The following SLC13A3 variants were observed in gnomAD, a reference collection of about 807,000 sequenced individuals.
SLC13A3 encodes Na(+)/dicarboxylate cotransporter 3.
Under a neutral mutation model 59.0 loss-of-function variants are expected in SLC13A3, and 40 were observed. The observed-to-expected ratio is 0.68, with a 90% CI of 0.53 to 0.88. The LOEUF is 0.88. Ranked by LOEUF, SLC13A3 falls within the 40% of genes least tolerant of loss-of-function variation. The pLI, the probability that SLC13A3 is intolerant of heterozygous loss-of-function variation, is 0.00. For missense variants in SLC13A3, 699 were observed against 783.2 expected, an observed-to-expected ratio of 0.89 and a Z score of 1.28; for synonymous variants, 317 against 330.3, an observed-to-expected ratio of 0.96 and a Z score of 0.44.
chr20:46,575,396 C>T (rs186898175), intron 10 of SLC13A3, among the ~76,000 whole-genome samples, 177 bp downstream of exon 10: 32 of 152,348 alleles, frequency 2.1e-4, no homozygotes, highest in African/African-American at 7.7e-4. Context: ...TCCTCTCTTT[C>T]TCTGTAGCAC....
chr20:46,596,831 G>A (rs1450651286), intron 4 of SLC13A3, among the ~76,000 whole-genome samples: 1 of 152,124 alleles, frequency 6.6e-6, no homozygotes, highest in African/African-American at 2.4e-5. Flanking sequence ...CAAAAGGATT[G>A]CTTGAGGAAA....
At chr20:46,608,941 A>G in intron 3 of SLC13A3, 1 of 1,550,990 alleles carries the variant, frequency 6.4e-7, no homozygotes, top group South Asian at 1.2e-5. Flanking sequence ...CGGAAGTTGC[A>G]CACATCATTT....
rs907721634 is a variant in SLC13A3 at position 46,596,066 on chromosome 20, C to T, written c.794+91G>A. 4.0e-6 allele frequency: 5 copies of T among 1,240,502 alleles called. 1 individual carries two copies. The highest frequency in any genetic ancestry group is 5.6e-6 in the Non-Finnish European group (5 of 888,146). 76.8% of individuals were successfully genotyped at this position (1,240,502 alleles called of 1,614,324 possible). A position where few individuals can be genotyped will look rare whatever the true frequency, so the allele number is the denominator to read the frequency against. On this transcript the variant is annotated intron_variant, in intron 5 of 12. Transcript: ENST00000279027. ...TCCCAGAGCCTGGCCCAGAGAAGGCCCTCAATACACATTCCCTGGATGTTG... is the reference window on the plus strand; with the variant it reads ...TCCCAGAGCCTGGCCCAGAGAAGGCTCTCAATACACATTCCCTGGATGTTG...
intron 1 of SLC13A3, among the ~76,000 whole-genome samples, chr20:46,661,081 G>A (rs2063026802): frequency 6.6e-6 from 1 of 151,976 alleles, no homozygotes; most frequent in South Asian, 2.1e-4. Flanking sequence ...TTAAGTCTCT[G>A]GGAATTCCAG....
intron 11 of SLC13A3, among the ~76,000 whole-genome samples, chr20:46,565,187 G>A (rs6017918): frequency 0.024 from 3,626 of 152,220 alleles, 121 homozygotes; most frequent in East Asian, 0.11. Context: ...TTTTCATTCT[G>A]TCATGGTTTC....
In SLC13A3 at chr20:46,583,556, GC is replaced by G. The variant is rs774583897; in HGVS notation, c.1219+15del. On this transcript the variant is annotated intron_variant, in intron 9 of 12. Transcript: ENST00000279027. Reference sequence around the variant, plus strand: ...CCTCACTGAGCCCACCGAGACCCCAGCCTTGACCACCTTACCTTTGAAGTCA... The same window carrying G: ...CCTCACTGAGCCCACCGAGACCCCAGCTTGACCACCTTACCTTTGAAGTCA... The G allele has an allele frequency of 2.5e-6, 4 of 1,613,540 alleles. No individual in the cohort carries two copies. Among genetic ancestry groups the G allele is most frequent in the Non-Finnish European group, 3.4e-6 (4 of 1,179,838 alleles).
chr20:46,614,861 T>C (rs2122757023), intron 1 of SLC13A3, among the ~76,000 whole-genome samples: 1 of 152,242 alleles, frequency 6.6e-6, no homozygotes, highest in South Asian at 2.1e-4. Flanking sequence ...GACAAAGTAA[T>C]TTAAATCTAA....
intron 1 of SLC13A3, among the ~76,000 whole-genome samples, chr20:46,684,169 G>C (rs2063168331): frequency 6.6e-6 from 1 of 152,062 alleles, no homozygotes; most frequent in Non-Finnish European, 1.5e-5. Flanking sequence ...AGCCTGCCTG[G>C]GATATACTCT....
In SLC13A3 at chr20:46,592,479, G is replaced by A. The variant is rs1459216252; in HGVS notation, c.845C>T (p.Ala282Val). ...CAGGAACAACAGCATAAGAGGGAAG[G>A]CGAAAATGAACCAGGAGCCGAAATT... ...VVNFGSWFIF[A>V]FPLMLLFLLA... The change falls in exon 6 of 13, where the codon GCC (alanine) becomes GTC (valine). Residue 282 changes from alanine to valine, a missense_variant. Transcript: ENST00000279027. 6.2e-7 allele frequency: 1 copy of A among 1,613,786 alleles called. No individual in the cohort carries two copies.
At chr20:46,597,090 A>G (rs1181867213) in intron 4 of SLC13A3, among the ~76,000 whole-genome samples, 2 of 151,690 alleles carry the variant, frequency 1.3e-5, no homozygotes, top group African/African-American at 4.8e-5. Flanking sequence ...AAATAAAGAA[A>G]TGGCTATGTT....
intron 1 of SLC13A3, among the ~76,000 whole-genome samples, chr20:46,627,606 A>G (rs191297871): frequency 1.0e-4 from 15 of 150,458 alleles, no homozygotes; most frequent in African/African-American, 3.7e-4. Flanking sequence ...GCTCATTAAA[A>G]GGAAACTGTG....
intron 8 of SLC13A3, chr20:46,585,620 G>C: frequency 1.6e-6 from 2 of 1,258,170 alleles, no homozygotes; most frequent in Non-Finnish European, 2.1e-6. Flanking sequence ...TCACAATGTA[G>C]AACAGTTCTC....
intron 1 of SLC13A3, among the ~76,000 whole-genome samples, chr20:46,630,826 AT>A (rs1227357379): frequency 6.6e-6 from 1 of 152,162 alleles, no homozygotes; most frequent in Non-Finnish European, 1.5e-5. Context: ...TAAAGACCCG[AT>A]TCTTCCACAT....
At chr20:46,682,081 C>G (rs1275492052) in intron 1 of SLC13A3, 2 of 152,212 alleles carry the variant, frequency 1.3e-5, no homozygotes, top group African/African-American at 4.8e-5. Context: ...TCCATCAGGG[C>G]TCTGGCAGTC....
chr20:46,572,311 G>A (rs529535543), intron 10 of SLC13A3, among the ~76,000 whole-genome samples: 1 of 152,284 alleles, frequency 6.6e-6, no homozygotes, highest in Non-Finnish European at 1.5e-5. Context: ...GCCAGGCTGC[G>A]GCTGCCTGGG....
chr20:46,665,354 C>T (rs2063057022), intron 1 of SLC13A3, among the ~76,000 whole-genome samples: 1 of 152,128 alleles, frequency 6.6e-6, no homozygotes, highest in Non-Finnish European at 1.5e-5. Context: ...ACATTTTCAT[C>T]ACCCCAAAGG....
intron 8 of SLC13A3, among the ~76,000 whole-genome samples, chr20:46,587,209 C>T (rs1396933408): frequency 2.0e-5 from 3 of 152,098 alleles, no homozygotes; most frequent in South Asian, 2.1e-4. Flanking sequence ...TTTTTATGAG[C>T]CATTTTAATC....
At chr20:46,679,476 T>C (rs867030734) in intron 1 of SLC13A3, among the ~76,000 whole-genome samples, 1 of 152,138 alleles carries the variant, frequency 6.6e-6, no homozygotes. Context: ...TCGCCGGGCG[T>C]GGTGGCGGGC....
chr20:46,566,443 C>T, intron 10 of SLC13A3, 53 bp from the exon 11 acceptor site: 2 of 1,575,500 alleles, frequency 1.3e-6, no homozygotes, highest in Non-Finnish European at 8.6e-7. Context: ...AGCTGCCGCC[C>T]CCCAGAGAGG....
Sources: allele counts gnomAD v4.1 joint callset (sites outside exome capture counted in the v4.1 genomes callset), GRCh38; gene constraint gnomAD v4.1.1; transcripts MANE v1.5; gene names NCBI Gene and HGNC (gene_info 2026-07-23, HGNC 2026-07-21).